The following FBH1 variants were observed in gnomAD, a reference collection of about 807,000 sequenced individuals.
FBH1 encodes the protein DNA 3'-5' helicase 1.
A neutral mutation model predicts 115.5 loss-of-function variants in FBH1; 43 were observed. The ratio of observed to expected loss-of-function variants is 0.37; its 90% CI spans 0.29 to 0.48. The LOEUF (loss-of-function observed/expected upper bound fraction) is 0.48. Among genes scored for constraint, FBH1 ranks in the 20% least tolerant of loss-of-function variants. The probability of loss-of-function intolerance (pLI) is 0.99; values close to 1 mark genes in which losing one functional copy is unlikely to be tolerated. For missense variants in FBH1, 1,001 were observed against 1,337.3 expected (o/e 0.75, Z 3.92); for synonymous variants, 524 against 507.8 (o/e 1.03, Z -0.43).
Position 5,914,132 on chromosome 10 carries a change from T to G in FBH1, c.1305-46T>G. 1 of 1,588,836 alleles carries G rather than the reference T, an allele frequency of 6.3e-7. No individual in the cohort carries two copies. Among genetic ancestry groups the G allele is most frequent in the Non-Finnish European group, 8.6e-7 (1 of 1,157,338 alleles). ...TTTGGACTGTCTATCCCCTGGACTT[T>G]TCACGTCTTTCTGTTTTTCTTACTT... On this transcript the variant is annotated intron_variant, in intron 7 of 20. Coordinates refer to ENST00000362091, the MANE Select transcript of FBH1 (RefSeq NM_178150.3). This position sits in a 1 kb window ranked among gnomAD's most constrained non-coding sequence, Gnocchi z 5.2.
chr10:5,924,426 A>G lies in FBH1; in HGVS notation c.2514A>G (p.Ala838=), dbSNP rs1319914679. The change falls in exon 17 of 21, where the codon GCA becomes GCG. Residue 838 remains alanine, a synonymous_variant. Coordinates refer to ENST00000362091, the MANE Select transcript of FBH1 (RefSeq NM_178150.3). This position sits in a 1 kb window ranked among gnomAD's most constrained non-coding sequence, Gnocchi z 6.2. ...ACAAGGAGCTTGAAGCCAAGATCGCAGTTGTTGAAAAGTATAACATCAGGA... is the reference window on the plus strand; with the variant it reads ...ACAAGGAGCTTGAAGCCAAGATCGCGGTTGTTGAAAAGTATAACATCAGGA... ...AEDKELEAKI[A]VVEKYNIRIP... The G allele has an allele frequency of 6.2e-7, 1 of 1,614,214 alleles. No homozygotes were observed. The highest frequency in any genetic ancestry group is 8.5e-7 in the Non-Finnish European group (1 of 1,180,022).
rs1831402495 is a variant in FBH1, at chr10:5,909,155, A to T, written c.885-4A>T. 6.2e-7 allele frequency: 1 copy of T among 1,613,456 alleles called. No individual in the cohort carries two copies. The highest frequency in any genetic ancestry group is 1.3e-5 in the African/African-American group (1 of 74,888). ...TCATGGCCTCTCCTGTGAATGTCTT[A>T]CAGATACACAGCCACCACTAAGTGC... On this transcript the variant is annotated splice_polypyrimidine_tract_variant and splice_region_variant and intron_variant, in intron 4 of 20. Transcript: ENST00000362091. The surrounding 1 kb of genome is among the most constrained non-coding windows in gnomAD (Gnocchi z 4.4).
chr10:5,931,668 A>G lies in FBH1; in HGVS notation c.2829+4127A>G, dbSNP rs1042371000. ...CCATTTCTCCATGAATGATGTATTT[A>G]TTAGTCAAAATATCATGTTCTGAAG... On this transcript the variant is annotated intron_variant, in intron 19 of 20. Coordinates refer to ENST00000362091, the MANE Select transcript of FBH1 (RefSeq NM_178150.3). The surrounding 1 kb of genome is among the most constrained non-coding windows in gnomAD (Gnocchi z 4.3). 1.3e-5 allele frequency among the ~76,000 whole-genome samples: 2 copies of G among 152,204 alleles called. No individual in the cohort carries two copies. The highest frequency in any genetic ancestry group is 4.8e-5 in the African/African-American group (2 of 41,456).
chr10:5,900,108 T>A lies in FBH1; in HGVS notation c.2-2912T>A, dbSNP rs1843248127. ...AGAAGGTATTTCCAGTAATACAGAA[T>A]TGGCTGTATTTGGGCTGCTAATACA... On this transcript the variant is annotated intron_variant, in intron 1 of 20. Transcript: ENST00000362091. This position sits in a 1 kb window ranked among gnomAD's most constrained non-coding sequence, Gnocchi z 4.2. 6.6e-6 allele frequency among the ~76,000 whole-genome samples: 1 copy of A among 152,220 alleles called. No homozygotes were observed. Among genetic ancestry groups the A allele is most frequent in the Non-Finnish European group, 1.5e-5 (1 of 68,038 alleles).
At chr10:5,929,520 T>C (rs1308891422) in intron 19 of FBH1, 2 of 152,224 alleles carry the variant, frequency 1.3e-5, no homozygotes, top group Non-Finnish European at 2.9e-5. Flanking sequence ...CCTTTTTCTT[T>C]CGTTGCATCT....
rs961380397 is a variant in FBH1 at position 5,914,014 on chromosome 10, A to C, written c.1305-164A>C. On this transcript the variant is annotated intron_variant, in intron 7 of 20. Coordinates refer to ENST00000362091, the MANE Select transcript of FBH1 (RefSeq NM_178150.3). This position sits in a 1 kb window ranked among gnomAD's most constrained non-coding sequence, Gnocchi z 5.2. ...AGTGACATTGCCTGAGCTGTGCATC[A>C]GCATCATAATCTAGCTTTAGAACAT... Among the ~76,000 whole-genome samples, 1 of 152,248 alleles carries C rather than the reference A, an allele frequency of 6.6e-6. No individual in the cohort carries two copies. The highest frequency in any genetic ancestry group is 1.5e-5 in the Non-Finnish European group (1 of 68,044).
intron 18 of FBH1, among the ~76,000 whole-genome samples, chr10:5,926,777 C>T (rs1832676123): frequency 6.6e-6 from 1 of 152,214 alleles, no homozygotes; most frequent in Non-Finnish European, 1.5e-5. Flanking sequence ...GCCACACAAC[C>T]CACCCATCCA....
Position 5,930,224 on chromosome 10 carries a change from C to T in FBH1, c.2829+2683C>T, listed in dbSNP as rs555251279. Reference sequence around the variant, plus strand: ...TGTTATCATATGTGGCCTCTACTACCCGATCCATAATTATACTTTTATGAT... The same window carrying T: ...TGTTATCATATGTGGCCTCTACTACTCGATCCATAATTATACTTTTATGAT... On this transcript the variant is annotated intron_variant, in intron 19 of 20. Coordinates refer to ENST00000362091, the MANE Select transcript of FBH1 (RefSeq NM_178150.3). 4.1e-3 allele frequency among the ~76,000 whole-genome samples: 631 copies of T among 152,278 alleles called. 3 individuals are homozygous for T. Among genetic ancestry groups the T allele is most frequent in the Non-Finnish European group, 5.7e-3 (385 of 68,036 alleles).
At chr10:5,926,125 A>C (rs901580250) in intron 18 of FBH1, among the ~76,000 whole-genome samples, 13 of 146,444 alleles carry the variant, frequency 8.9e-5, no homozygotes, top group South Asian at 2.2e-4. Context: ...TCTTCTTATT[A>C]TTATTATTAT....
intron 3 of FBH1, among the ~76,000 whole-genome samples, chr10:5,908,115 TCTC>T (rs979356117): frequency 5.9e-5 from 9 of 152,188 alleles, no homozygotes; most frequent in South Asian, 2.1e-4. Context: ...AGTGTTGAAA[TCTC>T]CTTCTATTAT....
chr10:5,914,057 G>C lies in FBH1; in HGVS notation c.1305-121G>C. Reference sequence around the variant, plus strand: ...TAGAACATGTTTATTCTCGTAAGGGGAGGCCTTTTTTTTGGTCAGCTTTTG... The same window carrying C: ...TAGAACATGTTTATTCTCGTAAGGGCAGGCCTTTTTTTTGGTCAGCTTTTG... On this transcript the variant is annotated intron_variant, in intron 7 of 20. Coordinates refer to ENST00000362091, the MANE Select transcript of FBH1 (RefSeq NM_178150.3). This position sits in a 1 kb window ranked among gnomAD's most constrained non-coding sequence, Gnocchi z 5.2. The C allele has an allele frequency of 1.0e-6, 1 of 953,822 alleles. No homozygotes were observed. Among genetic ancestry groups the C allele is most frequent in the Non-Finnish European group, 1.6e-6 (1 of 616,870 alleles). The allele number at this position is 953,822 out of a possible 1,614,324, so 59.1% of individuals were successfully genotyped here.
chr10:5,890,994 G>C (rs1427915584), intron 1 of FBH1: 1 of 196,090 alleles, frequency 5.1e-6, no homozygotes, highest in Non-Finnish European at 9.3e-6. Flanking sequence ...CTAAAAACGA[G>C]TGCCGTTTAC....
rs1831901742 is a variant in FBH1 at position 5,915,958 on chromosome 10, A to G, written c.1566-276A>G. ...GATGTAGAGGCATCAGGGAACTCCA[A>G]GGGTCCCTCCGGGGACCTTCTGGAG... On this transcript the variant is annotated intron_variant, in intron 9 of 20. Coordinates refer to ENST00000362091, the MANE Select transcript of FBH1 (RefSeq NM_178150.3). This position sits in a 1 kb window ranked among gnomAD's most constrained non-coding sequence, Gnocchi z 5.2. 2 of 495,634 alleles carry G rather than the reference A, an allele frequency of 4.0e-6. No individual in the cohort carries two copies. Among genetic ancestry groups the G allele is most frequent in the African/African-American group, 1.9e-5 (1 of 51,938 alleles). 30.7% of individuals were successfully genotyped at this position (495,634 alleles called of 1,614,324 possible).
rs765177607 is a variant in FBH1 at position 5,925,349 on chromosome 10, G to A, written c.2597-18G>A. The A allele has an allele frequency of 1.1e-5, 17 of 1,613,604 alleles. No homozygotes were observed. Among genetic ancestry groups the A allele is most frequent in the East Asian group, 2.2e-5 (1 of 44,834 alleles). On this transcript the variant is annotated intron_variant, in intron 17 of 20. Transcript: ENST00000362091. The surrounding 1 kb of genome is among the most constrained non-coding windows in gnomAD (Gnocchi z 4.6). ...CCCTTTGAAGCACCATCTAACGTGT[G>A]CTGTGTTTTTATCCTAGAGTACATT... is the stretch of plus-strand genomic sequence containing the variant.
At position 5,914,583 on chromosome 10, in the gene FBH1, G is replaced by A. The variant is rs1419817493; in HGVS notation, c.1396+314G>A. 1.3e-5 allele frequency among the ~76,000 whole-genome samples: 2 copies of A among 152,180 alleles called. No homozygotes were observed. Among genetic ancestry groups the A allele is most frequent in the African/African-American group, 2.4e-5 (1 of 41,442 alleles). ...CACTGATTGCTTCTGGAGAGGGAGG[G>A]CATGTTAATCCCCAGCCCAGGGTTT... On this transcript the variant is annotated intron_variant, in intron 8 of 20. Coordinates refer to ENST00000362091, the MANE Select transcript of FBH1 (RefSeq NM_178150.3). The surrounding 1 kb of genome is among the most constrained non-coding windows in gnomAD (Gnocchi z 5.2).
upstream of FBH1, chr10:5,890,132 G>T (rs1189009446): frequency 6.2e-6 from 2 of 324,512 alleles, no homozygotes; most frequent in African/African-American, 2.2e-5. Flanking sequence ...CTCCGGTCTC[G>T]CGTCCCGATT....
intron 2 of FBH1, among the ~76,000 whole-genome samples, chr10:5,903,637 C>T (rs75357184): frequency 0.013 from 2,049 of 152,150 alleles, 30 homozygotes; most frequent in African/African-American, 0.039. Context: ...CCGAGTTTTC[C>T]ATGAAAATTC....
chr10:5,892,273 C>T (rs1228554352), intron 1 of FBH1, among the ~76,000 whole-genome samples: 1 of 152,160 alleles, frequency 6.6e-6, no homozygotes, highest in Non-Finnish European at 1.5e-5. Flanking sequence ...CTTCCTTTTC[C>T]TCCTGTTTTT....
chr10:5,894,152 G>A lies in FBH1; in HGVS notation c.1+3806G>A, dbSNP rs141288678. On this transcript the variant is annotated intron_variant, in intron 1 of 20. Transcript: ENST00000362091. Reference sequence around the variant, plus strand: ...GCTGTGGTAGCCTGGCTCTGCGTCAGTGAATACCTGGGAAAGGAGCTGGAG... The same window carrying A: ...GCTGTGGTAGCCTGGCTCTGCGTCAATGAATACCTGGGAAAGGAGCTGGAG... 5,517 of 985,410 alleles carry A rather than the reference G, an allele frequency of 5.6e-3. 23 individuals carry two copies. The highest frequency in any genetic ancestry group is 0.024 in the Middle Eastern group (46 of 1,914). 61.0% of individuals were successfully genotyped at this position (985,410 alleles called of 1,614,324 possible).
Sources: gnomAD v4.1 joint callset for allele counts (sites outside exome capture counted in the v4.1 genomes callset) on GRCh38, gnomAD v4.1.1 for gene constraint, Gnocchi (gnomAD v3.1) non-coding constraint, MANE v1.5 for transcripts, NCBI Gene and HGNC (gene_info 2026-07-23, HGNC 2026-07-21) for gene names.